Variants in IGSF11 observed in about 807,000 individuals in gnomAD.
IGSF11 encodes the protein CXADR like 1.
IGSF11 carries 22 observed loss-of-function variants against 41.0 expected under a neutral mutation model. The observed-to-expected ratio is 0.54, with a 90% CI of 0.38 to 0.77. The LOEUF is 0.77. Ranked by LOEUF, IGSF11 falls within the 30% of genes least tolerant of loss-of-function variation. IGSF11 has a pLI of 0.00. For missense variants in IGSF11, 444 were observed against 530.8 expected, an observed-to-expected ratio of 0.84 and a Z score of 1.61; for synonymous variants, 219 against 201.3, an observed-to-expected ratio of 1.09 and a Z score of -0.74.
At chr3:118,972,176 C>T (rs536527724) in intron 1 of IGSF11, among the ~76,000 whole-genome samples, 254 of 152,300 alleles carry the variant, frequency 1.7e-3, no homozygotes, top group African/African-American at 5.9e-3. Context: ...GGGTTTATTC[C>T]TGTCCTTCTC....
chr3:119,116,684 C>T (rs910113263), intron 1 of IGSF11, among the ~76,000 whole-genome samples: 1 of 152,162 alleles, frequency 6.6e-6, no homozygotes, highest in Non-Finnish European at 1.5e-5. Flanking sequence ...AGGAGAGGAG[C>T]CTGAGTCCTG....
chr3:119,124,997 A>T lies in IGSF11; in HGVS notation c.-13-19792T>A, dbSNP rs947500003. Among the ~76,000 whole-genome samples the T allele has an allele frequency of 2.6e-5, 4 of 152,326 alleles. No homozygotes were observed. In the East Asian group the frequency reaches 7.7e-4, roughly 29 times the overall value. On this transcript the variant is annotated intron_variant, in intron 1 of 7. Transcript: ENST00000425327. ...AGTGGAAACCTTACAGGTCTGGAGA[A>T]AGTGACACAAATTTAAAATGCCAAA...
At chr3:119,079,545 A>G (rs2076555135) in intron 1 of IGSF11, among the ~76,000 whole-genome samples, 1 of 152,188 alleles carries the variant, frequency 6.6e-6, no homozygotes, top group Admixed American at 6.5e-5. Context: ...ATATACCCAA[A>G]GGAATATAAA....
chr3:118,946,195 C>T (rs925307149), intron 1 of IGSF11, among the ~76,000 whole-genome samples: 1 of 146,304 alleles, frequency 6.8e-6, no homozygotes, highest in African/African-American at 2.6e-5. Flanking sequence ...ATTGGCTACA[C>T]ACACACACGC....
intron 1 of IGSF11, among the ~76,000 whole-genome samples, chr3:119,059,181 A>T (rs1219577825): frequency 9.6e-5 from 3 of 31,406 alleles, no homozygotes; most frequent in Non-Finnish European, 3.3e-4. Context: ...TACACAGATC[A>T]CACACACACA....
intron 1 of IGSF11, among the ~76,000 whole-genome samples, chr3:119,084,388 T>C (rs928815292): frequency 1.3e-5 from 2 of 152,092 alleles, no homozygotes; most frequent in African/African-American, 4.8e-5. Flanking sequence ...ACTTGCACCA[T>C]AGACCTCTGG....
At chr3:118,982,056 T>C (rs1934777817) in intron 1 of IGSF11, 1 of 152,170 alleles carries the variant, frequency 6.6e-6, no homozygotes, top group Non-Finnish European at 1.5e-5. Flanking sequence ...GGCTATCTCA[T>C]ACACTGGACA....
At chr3:118,965,484 G>A (rs527287714) in intron 1 of IGSF11, among the ~76,000 whole-genome samples, 3 of 149,728 alleles carry the variant, frequency 2.0e-5, no homozygotes, top group Admixed American at 6.6e-5. Flanking sequence ...TTTTTGGCTC[G>A]AAAATGAATC....
At chr3:119,135,656 A>G (rs1446540839) in intron 1 of IGSF11, among the ~76,000 whole-genome samples, 7 of 152,164 alleles carry the variant, frequency 4.6e-5, no homozygotes, top group Non-Finnish European at 8.8e-5. Flanking sequence ...ACAGTGTGGC[A>G]ATTCCTCAGG....
chr3:119,015,162 C>T (rs138806566), intron 1 of IGSF11, among the ~76,000 whole-genome samples: 6 of 152,212 alleles, frequency 3.9e-5, no homozygotes, highest in Admixed American at 1.3e-4. Flanking sequence ...AAACTATCTC[C>T]GGAAATAAGC....
intron 1 of IGSF11, among the ~76,000 whole-genome samples, chr3:119,003,290 A>C (rs1455727974): frequency 1.4e-5 from 2 of 142,950 alleles, no homozygotes; most frequent in Middle Eastern, 3.4e-3. Flanking sequence ...TTGTTGGTGT[A>C]TAAGAATGCT....
chr3:118,936,341 T>C lies in IGSF11; in HGVS notation c.53-6066A>G, dbSNP rs1576417952. Among the ~76,000 whole-genome samples the C allele has an allele frequency of 2.6e-5, 4 of 152,006 alleles. No homozygotes were observed. The South Asian group carries it at 8.3e-4, about 32-fold the overall frequency. On this transcript the variant is annotated intron_variant, in intron 1 of 6. Transcript: ENST00000393775. Reference sequence around the variant, plus strand: ...GGCCAACATGGTGAAACTCCATCTCTACCAAAAATACAAAAATTAGCCAGG... The same window carrying C: ...GGCCAACATGGTGAAACTCCATCTCCACCAAAAATACAAAAATTAGCCAGG...
At chr3:118,921,488 A>G (rs1941794141) in intron 4 of IGSF11, among the ~76,000 whole-genome samples, 3 of 152,172 alleles carry the variant, frequency 2.0e-5, no homozygotes, top group African/African-American at 7.2e-5. Flanking sequence ...GAGAATAATG[A>G]TGGTAATTTA....
intron 1 of IGSF11, among the ~76,000 whole-genome samples, chr3:118,981,162 CATTTT>C (rs751695043): frequency 2.5e-4 from 38 of 152,168 alleles, no homozygotes; most frequent in Non-Finnish European, 4.4e-4. Flanking sequence ...CTTTGGCATC[CATTTT>C]ATTTTATTTT....
intron 1 of IGSF11, among the ~76,000 whole-genome samples, chr3:119,121,625 G>A (rs2077334435): frequency 6.6e-6 from 1 of 151,960 alleles, no homozygotes; most frequent in Non-Finnish European, 1.5e-5. Context: ...AAGAAAAAGA[G>A]GAAAAAGAGA....
intron 2 of IGSF11, among the ~76,000 whole-genome samples, chr3:118,929,077 C>T (rs1942617912): frequency 6.6e-6 from 1 of 152,114 alleles, no homozygotes. Context: ...CTTATTAGGT[C>T]ACACAATGAT....
intron 1 of IGSF11, among the ~76,000 whole-genome samples, chr3:118,950,050 G>A (rs960844308): frequency 4.6e-5 from 7 of 152,114 alleles, no homozygotes; most frequent in African/African-American, 1.7e-4. Flanking sequence ...AAAATATAAA[G>A]AATTATCCCT....
chr3:119,045,202 T>A (rs6808915), intron 1 of IGSF11, among the ~76,000 whole-genome samples: 6 of 151,824 alleles, frequency 4.0e-5, no homozygotes, highest in African/African-American at 1.5e-4. Flanking sequence ...ACACAGAATA[T>A]GGGTGATTTC....
chr3:119,083,377 A>G (rs1547441), intron 1 of IGSF11, among the ~76,000 whole-genome samples: 25,516 of 151,938 alleles, frequency 0.17, 2,629 homozygotes, highest in Non-Finnish European at 0.24. Flanking sequence ...TGCTGGGATT[A>G]CAAGCATGGG....
Sources: gnomAD v4.1 joint callset for allele counts (sites outside exome capture counted in the v4.1 genomes callset) on GRCh38, gnomAD v4.1.1 for gene constraint, MANE v1.5 for transcripts, NCBI Gene and HGNC (gene_info 2026-07-23, HGNC 2026-07-21) for gene names.